Variants in TRPM1 observed in about 807,000 individuals in gnomAD.
TRPM1 encodes transient receptor potential cation channel subfamily M member 1, also known as TRPM1-203 APA Isoform, Intron 10.
In TRPM1, 113 loss-of-function variants were observed where a neutral mutation model predicts 149.4. That is an observed-to-expected ratio of 0.76 (90% confidence interval 0.65 to 0.88). The LOEUF (loss-of-function observed/expected upper bound fraction) is 0.88, where lower values mean the gene tolerates loss of function less well. Ranked by LOEUF, TRPM1 falls within the 40% of genes least tolerant of loss-of-function variation. TRPM1 has a pLI of 0.00. For missense variants in TRPM1, 1,976 were observed against 2,038.7 expected, an observed-to-expected ratio of 0.97 and a Z score of 0.59; for synonymous variants, 741 against 759.5, an observed-to-expected ratio of 0.98 and a Z score of 0.40.
chr15:31,159,645 T>C (rs1235152450), intron 1 of TRPM1, among the ~76,000 whole-genome samples: 1 of 152,132 alleles, frequency 6.6e-6, no homozygotes, highest in Non-Finnish European at 1.5e-5. Context: ...CTTTAACTCT[T>C]TATTGTTATT....
chr15:31,056,829 C>T (rs1411378669), intron 11 of TRPM1, among the ~76,000 whole-genome samples: 2 of 152,172 alleles, frequency 1.3e-5, no homozygotes, highest in Non-Finnish European at 2.9e-5. Context: ...AAGATACCAG[C>T]CCCTTGATCT....
rs1418479359 is a variant in TRPM1, at chr15:31,042,368, A to T, written c.1795-125T>A. The T allele has an allele frequency of 3.2e-6, 3 of 941,128 alleles. No homozygotes were observed. In the African/African-American group the frequency reaches 5.0e-5, roughly 16 times the overall value. 58.3% of individuals were successfully genotyped at this position (941,128 alleles called of 1,614,324 possible). On this transcript the variant is annotated intron_variant, in intron 16 of 27. Coordinates refer to ENST00000256552, the MANE Select transcript of TRPM1 (RefSeq NM_001252024.2). ...TAAAGAGACTTCTGAAGTACATCTT[A>T]CATTTCCACTCCGCATATGAATTCT... is the stretch of plus-strand genomic sequence containing the variant.
At chr15:31,136,098 G>A (rs528839193) in intron 1 of TRPM1, among the ~76,000 whole-genome samples, 2 of 152,204 alleles carry the variant, frequency 1.3e-5, no homozygotes, top group South Asian at 2.1e-4. Flanking sequence ...GTAGAACTCC[G>A]AGGAAGGCGT....
rs1304790776 is a variant in TRPM1 at position 31,063,106 on chromosome 15, C to T, written c.965+12G>A. 6.2e-7 allele frequency: 1 copy of T among 1,614,156 alleles called. No individual in the cohort carries two copies. Among genetic ancestry groups the T allele is most frequent in the Non-Finnish European group, 8.5e-7 (1 of 1,180,018 alleles). On this transcript the variant is annotated intron_variant, in intron 8 of 27. Transcript: ENST00000256552. The stretch of plus-strand genomic sequence containing the variant: ...TACGAACCCGCCCTTCCTCGCGCGT[C>T]AGAAATCCTACCCGCCTTCTTCACA...
At position 31,076,908 on chromosome 15, in the gene TRPM1, T is replaced by C; in HGVS notation, c.80A>G (p.Asn27Ser). The C allele has an allele frequency of 6.2e-7, 1 of 1,600,846 alleles. No homozygotes were observed. The highest frequency in any genetic ancestry group is 1.3e-5 in the African/African-American group (1 of 74,746). Residue 27 changes from asparagine (N) to serine (S), a missense_variant, in exon 3 of 28, where the codon AAC becomes AGC. Physicochemically the swap from Asn to Ser is conservative, Grantham distance 46. Transcript: ENST00000256552. ...IFVIPSMKDSNRCCCGQFTNQ... is the reference protein window; with the variant it reads ...IFVIPSMKDSSRCCCGQFTNQ... ...TTAATCGTGGATTTCAATTTACCTG[T>C]TAGAGTCTTTCATGCTAGGAATTAC... is the stretch of plus-strand genomic sequence containing the variant.
intron 1 of TRPM1, among the ~76,000 whole-genome samples, chr15:31,110,108 T>C (rs2035664552): frequency 2.6e-5 from 4 of 152,214 alleles, no homozygotes; most frequent in Admixed American, 2.6e-4. Flanking sequence ...CCACTTTGCA[T>C]ACTGTTGAAT....
rs34420721 is a variant in TRPM1, at chr15:31,149,524, C to CTTTTT, written c.54+11381_54+11382insAAAAA. On this transcript the variant is annotated intron_variant, in intron 1 of 26. Transcript: ENST00000542188. ...TAGCTCGTCATGTGCATCTCTCTCT[C>CTTTTT]TCTTTTTTTTTTTTTTTTTGAGACG... is the stretch of plus-strand genomic sequence containing the variant. Among the ~76,000 whole-genome samples, 10 of 128,834 alleles carry CTTTTT rather than the reference C, an allele frequency of 7.8e-5. 1 individual carries two copies. Among genetic ancestry groups the CTTTTT allele is most frequent in the African/African-American group, 3.2e-4 (10 of 31,610 alleles). The allele number at this position is 128,834 out of a possible 152,430, so 84.5% of individuals were successfully genotyped here.
chr15:31,041,688 T>A (rs1291565982), intron 17 of TRPM1, among the ~76,000 whole-genome samples: 1 of 152,200 alleles, frequency 6.6e-6, no homozygotes, highest in African/African-American at 2.4e-5. Flanking sequence ...CATCTTTGCA[T>A]TAAAATTGTG....
At chr15:31,137,643 A>G (rs896269310) in intron 1 of TRPM1, among the ~76,000 whole-genome samples, 4 of 152,170 alleles carry the variant, frequency 2.6e-5, no homozygotes, top group African/African-American at 4.8e-5. Context: ...AAAAAGCTAA[A>G]AGTGCAAGGC....
At chr15:31,066,869 C>T (rs899707633) in intron 6 of TRPM1, among the ~76,000 whole-genome samples, 194 bp downstream of exon 6, 2 of 152,072 alleles carry the variant, frequency 1.3e-5, no homozygotes, top group African/African-American at 2.4e-5. Flanking sequence ...ACATTCTGCA[C>T]CTTGACCTTA....
At chr15:31,099,982 T>C (rs971064056) in intron 1 of TRPM1, among the ~76,000 whole-genome samples, 2 of 152,168 alleles carry the variant, frequency 1.3e-5, no homozygotes, top group Non-Finnish European at 2.9e-5. Flanking sequence ...AGAGAAAATG[T>C]GTCTCATCTT....
rs1349359630 is a variant in TRPM1, at chr15:31,060,524, T to TC, written c.1263+19dup. On this transcript the variant is annotated intron_variant, in intron 11 of 27. Transcript: ENST00000256552. ...ACAAAGTCAAGATCAATGATATGAA[T>TC]CGAAAAAAAACAGTTTCACCGGCCA... is the stretch of plus-strand genomic sequence containing the variant. The TC allele has an allele frequency of 6.3e-7, 1 of 1,599,984 alleles. No individual in the cohort carries two copies. Among genetic ancestry groups the TC allele is most frequent in the Non-Finnish European group, 8.6e-7 (1 of 1,167,414 alleles).
Position 31,050,545 on chromosome 15 carries a change from G to T in TRPM1, c.1301C>A (p.Ala434Asp), listed in dbSNP as rs2033919441. 11 of 1,613,974 alleles carry T rather than the reference G, an allele frequency of 6.8e-6. No homozygotes were observed. The East Asian group carries it at 2.5e-4, about 36-fold the overall frequency. ...GGGTGGCTTCTTCTCCTTCTCCGTG[G>T]CTTTGCTGTCCGTCGGGGGTGCCAG... ...GSLAPPTDSK[A>D]TEKEKKPPMA... Residue 434 changes from alanine to aspartate, a missense_variant, in exon 12 of 28, where the codon GCC (alanine) becomes GAC (aspartate). By Grantham distance (126) the Ala-to-Asp change is moderately radical. This residue lies in a region of TRPM1 where 1,332 missense variants were observed against 1,347.1 expected (regional missense o/e 0.99). Transcript: ENST00000256552.
At chr15:31,052,635 C>T (rs1242968475) in intron 11 of TRPM1, among the ~76,000 whole-genome samples, 1 of 151,982 alleles carries the variant, frequency 6.6e-6, no homozygotes, top group Middle Eastern at 3.2e-3. Flanking sequence ...ATTAGCTGGA[C>T]ATGGTGGTGG....
intron 1 of TRPM1, among the ~76,000 whole-genome samples, chr15:31,083,087 A>T (rs117015562): frequency 0.012 from 1,874 of 152,242 alleles, 17 homozygotes; most frequent in Non-Finnish European, 0.02. Context: ...GTCTGGGAGG[A>T]CATGGCTCGG....
chr15:31,156,061 G>A (rs774594447), intron 1 of TRPM1, among the ~76,000 whole-genome samples: 1 of 151,866 alleles, frequency 6.6e-6, no homozygotes, highest in Non-Finnish European at 1.5e-5. Flanking sequence ...GCCAGGCATG[G>A]TGGTGGGCAC....
chr15:31,062,761 G>C, intron 8 of TRPM1, 59 bp from the exon 9 acceptor site: 2 of 1,557,034 alleles, frequency 1.3e-6, no homozygotes, highest in Non-Finnish European at 1.8e-6. Flanking sequence ...ATATGAATGA[G>C]TCAGACATAT....
chr15:31,012,463 T>C (rs543965967), intron 27 of TRPM1, among the ~76,000 whole-genome samples: 1 of 152,352 alleles, frequency 6.6e-6, no homozygotes, highest in African/African-American at 2.4e-5. Flanking sequence ...TCCTGGCTTC[T>C]GATGAGAGGT....
At chr15:31,138,141 GGGT>G (rs1375116973) in intron 1 of TRPM1, among the ~76,000 whole-genome samples, 1 of 152,134 alleles carries the variant, frequency 6.6e-6, no homozygotes, top group Non-Finnish European at 1.5e-5. Flanking sequence ...CAACAACCTA[GGGT>G]GGCCTTTGGG....
Sources: allele counts gnomAD v4.1 joint callset (sites outside exome capture counted in the v4.1 genomes callset), GRCh38; gene constraint gnomAD v4.1.1; regional missense constraint gnomAD v4.1.1; transcripts MANE v1.5; gene names NCBI Gene and HGNC (gene_info 2026-07-23, HGNC 2026-07-21).